KCNIP1: variants seen among roughly 807,000 people sequenced by gnomAD.
KCNIP1 encodes A-type potassium channel modulatory protein KCNIP1.
Under a neutral mutation model 33.0 loss-of-function variants are expected in KCNIP1, and 18 were observed. The observed-to-expected ratio is 0.55, with a 90% CI of 0.38 to 0.81. KCNIP1 has a LOEUF of 0.81. Ranked by LOEUF, KCNIP1 falls within the 30% of genes least tolerant of loss-of-function variation. The pLI is 0.00. For synonymous variants in KCNIP1, 93 were observed against 98.3 expected (o/e 0.95, Z 0.32); for missense variants, 238 against 271.6 (o/e 0.88, Z 0.87).
At chr5:170,510,635 A>G (rs1402886837) in intron 1 of KCNIP1, among the ~76,000 whole-genome samples, 1 of 152,138 alleles carries the variant, frequency 6.6e-6, no homozygotes, top group African/African-American at 2.4e-5. Flanking sequence ...TAAATAGGTC[A>G]CCTTCTGGAA....
chr5:170,452,927 T>C (rs1457143532), intron 1 of KCNIP1, among the ~76,000 whole-genome samples: 2 of 152,226 alleles, frequency 1.3e-5, no homozygotes, highest in Non-Finnish European at 2.9e-5. Context: ...GAACTATGAT[T>C]ATATTTTAGA....
chr5:170,508,517 G>A (rs1416539758), intron 1 of KCNIP1, among the ~76,000 whole-genome samples: 1 of 152,226 alleles, frequency 6.6e-6, no homozygotes, highest in East Asian at 1.9e-4. Context: ...CAGGCATAGA[G>A]AAGCAGTAGC....
At chr5:170,606,436 G>T (rs993950917) in intron 1 of KCNIP1, among the ~76,000 whole-genome samples, 1 of 152,140 alleles carries the variant, frequency 6.6e-6, no homozygotes, top group Non-Finnish European at 1.5e-5. Context: ...CAGTGGGTGT[G>T]AGGCTCTTTT....
intron 1 of KCNIP1, among the ~76,000 whole-genome samples, chr5:170,624,727 GGA>G (rs1759749834): frequency 2.1e-5 from 2 of 97,348 alleles, no homozygotes; most frequent in African/African-American, 8.3e-5. Flanking sequence ...AGGAGACCGG[GGA>G]GGTGGGGGGG....
intron 1 of KCNIP1, among the ~76,000 whole-genome samples, chr5:170,686,634 C>T (rs1762544381): frequency 6.6e-6 from 1 of 152,172 alleles, no homozygotes; most frequent in African/African-American, 2.4e-5. Flanking sequence ...AAAGCCAGCC[C>T]CACAGCTGAC....
chr5:170,610,536 T>C (rs1381324674), intron 1 of KCNIP1, among the ~76,000 whole-genome samples: 1 of 152,166 alleles, frequency 6.6e-6, no homozygotes, highest in Non-Finnish European at 1.5e-5. Flanking sequence ...AGCATTGCTG[T>C]TAGAAGCCAG....
intron 1 of KCNIP1, among the ~76,000 whole-genome samples, chr5:170,653,528 A>G (rs1761138033): frequency 6.6e-6 from 1 of 152,022 alleles, no homozygotes; most frequent in South Asian, 2.1e-4. Context: ...GAATGTAAAA[A>G]TCTCTAATTT....
intron 1 of KCNIP1, among the ~76,000 whole-genome samples, chr5:170,495,802 C>A (rs935939267): frequency 2.0e-5 from 3 of 152,248 alleles, no homozygotes; most frequent in African/African-American, 7.2e-5. Flanking sequence ...CGGTTAATAT[C>A]TCAGTTGTAT....
At chr5:170,719,618 G>C (rs1183648344) in intron 2 of KCNIP1, among the ~76,000 whole-genome samples, 1 of 152,180 alleles carries the variant, frequency 6.6e-6, no homozygotes, top group Non-Finnish European at 1.5e-5. Context: ...GCAGTCTGTA[G>C]GTAGAGCTGA....
intron 1 of KCNIP1, among the ~76,000 whole-genome samples, chr5:170,613,445 G>T (rs936514002): frequency 6.6e-6 from 1 of 152,084 alleles, no homozygotes; most frequent in African/African-American, 2.4e-5. Flanking sequence ...CCATTAATAG[G>T]TACTATTAAT....
intron 1 of KCNIP1, among the ~76,000 whole-genome samples, chr5:170,452,347 G>A (rs1431057018): frequency 6.6e-6 from 1 of 152,162 alleles, no homozygotes; most frequent in Non-Finnish European, 1.5e-5. Context: ...CTTAGCAACC[G>A]GAAAGCGCCT....
chr5:170,540,356 A>G (rs148487386), intron 1 of KCNIP1, among the ~76,000 whole-genome samples: 436 of 152,364 alleles, frequency 2.9e-3, no homozygotes, highest in Non-Finnish European at 4.1e-3. Flanking sequence ...ATGTTGAGGC[A>G]CAGTAAGCAG....
At chr5:170,652,684 A>G (rs912182424) in intron 1 of KCNIP1, among the ~76,000 whole-genome samples, 6 of 152,182 alleles carry the variant, frequency 3.9e-5, no homozygotes, top group Admixed American at 1.3e-4. Flanking sequence ...TGCTTGCCCA[A>G]GTGATGTTCC....
intron 1 of KCNIP1, among the ~76,000 whole-genome samples, chr5:170,653,681 T>TTC (rs147435186): frequency 6.7e-6 from 1 of 150,368 alleles, no homozygotes; most frequent in East Asian, 2.0e-4. Flanking sequence ...CTCAGTCTCC[T>TTC]TCTCTCTCTC....
chr5:170,467,735 T>C (rs1756638058), intron 1 of KCNIP1, among the ~76,000 whole-genome samples: 1 of 151,914 alleles, frequency 6.6e-6, no homozygotes, highest in Non-Finnish European at 1.5e-5. Flanking sequence ...CTGATCAACA[T>C]GGCAAAAACC....
chr5:170,712,867 G>T, intron 1 of KCNIP1: 1 of 1,613,964 alleles, frequency 6.2e-7, no homozygotes, highest in East Asian at 2.2e-5. Context: ...TCGCCTGGTG[G>T]TATTACCAGT....
chr5:170,612,343 C>T (rs1759194986), intron 1 of KCNIP1, among the ~76,000 whole-genome samples: 2 of 152,182 alleles, frequency 1.3e-5, no homozygotes, highest in African/African-American at 4.8e-5. Flanking sequence ...CTCAGCAGGC[C>T]CCTGCTGGGC....
chr5:170,429,560 C>G lies in KCNIP1; in HGVS notation c.88+75596C>G, dbSNP rs184839008. ...AAGTCAGGGCTTTTAGGGTATCCGT[C>G]CCCACAATGACGTATATTGTACCCA... On this transcript the variant is annotated intron_variant, in intron 1 of 7. Transcript: ENST00000377360. 3.5e-3 allele frequency among the ~76,000 whole-genome samples: 538 copies of G among 152,218 alleles called. 1 individual carries two copies. Among genetic ancestry groups the G allele is most frequent in the Non-Finnish European group, 6.6e-3 (448 of 68,020 alleles).
chr5:170,553,005 T>G (rs1243167162), intron 1 of KCNIP1, among the ~76,000 whole-genome samples: 1 of 152,204 alleles, frequency 6.6e-6, no homozygotes, highest in Non-Finnish European at 1.5e-5. Context: ...AGCTGCTTGA[T>G]ATGCAGGGAA....
Sources: allele counts gnomAD v4.1 joint callset (sites outside exome capture counted in the v4.1 genomes callset), GRCh38; gene constraint gnomAD v4.1.1; transcripts MANE v1.5; gene names NCBI Gene and HGNC (gene_info 2026-07-23, HGNC 2026-07-21).